ZDHHC14: variants seen among roughly 807,000 people sequenced by gnomAD.
ZDHHC14 encodes the protein palmitoyltransferase ZDHHC14.
In ZDHHC14, 16 loss-of-function variants were observed where a neutral mutation model predicts 47.7. That is an observed-to-expected ratio of 0.34 (90% CI 0.23 to 0.51). The LOEUF (loss-of-function observed/expected upper bound fraction) is 0.51, where lower values mean the gene tolerates loss of function less well. ZDHHC14 is among the 20% of genes least tolerant of loss of function. The pLI is 0.97. For missense variants in ZDHHC14, 515 were observed against 662.5 expected, an observed-to-expected ratio of 0.78 and a Z score of 2.44; for synonymous variants, 293 against 278.9, an observed-to-expected ratio of 1.05 and a Z score of -0.50.
intron 1 of ZDHHC14, among the ~76,000 whole-genome samples, chr6:157,422,412 C>G (rs1778128573): frequency 6.6e-6 from 1 of 152,114 alleles, no homozygotes. Context: ...TTCTGTACTT[C>G]CATCCCACAC....
intron 8 of ZDHHC14, among the ~76,000 whole-genome samples, chr6:157,661,192 G>T (rs1778330286): frequency 2.0e-5 from 3 of 152,204 alleles, no homozygotes; most frequent in African/African-American, 7.2e-5. Context: ...GGGGGTGGTG[G>T]GGAGCAGCCC....
At chr6:157,622,251 G>A (rs1384312363) in intron 3 of ZDHHC14, among the ~76,000 whole-genome samples, 1 of 150,690 alleles carries the variant, frequency 6.6e-6, no homozygotes, top group African/African-American at 2.4e-5. Flanking sequence ...AGCCAGATGT[G>A]GCGGCGTGCA....
At chr6:157,417,144 A>G (rs1229235820) in intron 1 of ZDHHC14, among the ~76,000 whole-genome samples, 2 of 151,844 alleles carry the variant, frequency 1.3e-5, no homozygotes, top group Non-Finnish European at 2.9e-5. Context: ...TAGCAATTTT[A>G]TGGCATCCTT....
At chr6:157,659,551 A>G (rs1158470522) in intron 8 of ZDHHC14, among the ~76,000 whole-genome samples, 1 of 152,228 alleles carries the variant, frequency 6.6e-6, no homozygotes, top group Non-Finnish European at 1.5e-5. Flanking sequence ...TTCAGCTGCT[A>G]ATAACAGACA....
intron 1 of ZDHHC14, among the ~76,000 whole-genome samples, chr6:157,495,831 G>A (rs1377819649): frequency 6.6e-6 from 1 of 150,518 alleles, no homozygotes. Flanking sequence ...AACCCCACCG[G>A]GTACCTGGGA....
intron 1 of ZDHHC14, among the ~76,000 whole-genome samples, chr6:157,519,534 G>C (rs1484665730): frequency 2.0e-5 from 3 of 152,152 alleles, no homozygotes; most frequent in African/African-American, 7.2e-5. Flanking sequence ...GTGCCGTCTT[G>C]GTTGTTCATA....
At position 157,381,511 on chromosome 6, in the gene ZDHHC14, A is replaced by G; in HGVS notation, c.-511A>G. 1 of 404,228 alleles carries G rather than the reference A, an allele frequency of 2.5e-6. No homozygotes were observed. The highest frequency in any genetic ancestry group is 4.9e-6 in the Non-Finnish European group (1 of 202,850). 25.0% of individuals were successfully genotyped at this position (404,228 alleles called of 1,614,324 possible). ...GTCGCCAGCGCTCTCTCCTGGGAGGATCCGCTGCCGGAGGAAGGAGTGGAC... is the reference window on the plus strand; with the variant it reads ...GTCGCCAGCGCTCTCTCCTGGGAGGGTCCGCTGCCGGAGGAAGGAGTGGAC... On this transcript the variant is annotated 5_prime_UTR_variant, in exon 1 of 9. Coordinates refer to ENST00000359775, the MANE Select transcript of ZDHHC14 (RefSeq NM_024630.3).
chr6:157,676,691 C>G lies in ZDHHC14; in HGVS notation c.*3569C>G, dbSNP rs1409289333. ...CGCCCAGAAAATGCTGGAACCAGAA[C>G]TGGTCAGAGACTTTGAAGGGCACAG... On this transcript the variant is annotated 3_prime_UTR_variant, in exon 9 of 9. Coordinates refer to ENST00000359775, the MANE Select transcript of ZDHHC14 (RefSeq NM_024630.3). 6.6e-6 allele frequency: 1 copy of G among 152,264 alleles called. No homozygotes were observed. The highest frequency in any genetic ancestry group is 2.4e-5 in the African/African-American group (1 of 41,464). The allele number at this position is 152,264 out of a possible 1,614,324, so 9.4% of individuals were successfully genotyped here.
chr6:157,650,642 TAA>T (rs772061667), intron 7 of ZDHHC14, among the ~76,000 whole-genome samples: 3 of 130,372 alleles, frequency 2.3e-5, no homozygotes, highest in African/African-American at 2.9e-5. Flanking sequence ...CTCTTGTCAT[TAA>T]AAAAAAAAGA....
chr6:157,382,051 A>G lies in ZDHHC14; in HGVS notation c.30A>G (p.Lys10=), dbSNP rs1223038516. The G allele has an allele frequency of 2.5e-6, 4 of 1,574,798 alleles. No homozygotes were observed. The highest frequency in any genetic ancestry group is 1.4e-5 in the African/African-American group (1 of 73,208). The part of the protein sequence containing the change: MPPGGGGPM[K]DCEYSQISTH... ...CTCCCGGCGGCGGCGGGCCCATGAAAGACTGCGAGTACAGCCAGATCAGCA... is the reference window on the plus strand; with the variant it reads ...CTCCCGGCGGCGGCGGGCCCATGAAGGACTGCGAGTACAGCCAGATCAGCA... The change falls in exon 1 of 9, where the codon AAA becomes AAG. Residue 10 remains lysine (K), a synonymous_variant. Coordinates refer to ENST00000359775, the MANE Select transcript of ZDHHC14 (RefSeq NM_024630.3).
intron 8 of ZDHHC14, among the ~76,000 whole-genome samples, chr6:157,653,888 C>T (rs537429738): frequency 2.0e-5 from 3 of 152,318 alleles, no homozygotes; most frequent in African/African-American, 7.2e-5. Flanking sequence ...TCTGCCAAAA[C>T]AGCTTGAGGC....
intron 5 of ZDHHC14, 21 bp from the exon 6 acceptor site, chr6:157,645,716 T>G (rs1166176753): frequency 6.2e-7 from 1 of 1,607,710 alleles, no homozygotes; most frequent in Non-Finnish European, 8.5e-7. Context: ...CACTTCCGCT[T>G]GCCTCCTTGA....
intron 1 of ZDHHC14, among the ~76,000 whole-genome samples, chr6:157,400,567 C>T (rs902882883): frequency 6.6e-6 from 1 of 152,184 alleles, no homozygotes; most frequent in Non-Finnish European, 1.5e-5. Flanking sequence ...GAATATTTCA[C>T]TTAAATAATG....
chr6:157,522,511 CT>C (rs1411264091), intron 1 of ZDHHC14, among the ~76,000 whole-genome samples: 1 of 151,898 alleles, frequency 6.6e-6, no homozygotes, highest in Non-Finnish European at 1.5e-5. Flanking sequence ...CTATTTCCCA[CT>C]TTTATGATCG....
At chr6:157,521,254 G>A (rs554508462) in intron 1 of ZDHHC14, among the ~76,000 whole-genome samples, 3 of 152,324 alleles carry the variant, frequency 2.0e-5, no homozygotes, top group Admixed American at 2.0e-4. Flanking sequence ...TTACAGCTCC[G>A]TTTGGAGTCT....
At chr6:157,455,402 G>A (rs1024126265) in intron 1 of ZDHHC14, among the ~76,000 whole-genome samples, 2 of 152,230 alleles carry the variant, frequency 1.3e-5, no homozygotes, top group African/African-American at 2.4e-5. Context: ...GAAGGGTGAC[G>A]CTGGCATGGG....
At chr6:157,511,320 G>A (rs939915273) in intron 1 of ZDHHC14, among the ~76,000 whole-genome samples, 4 of 152,242 alleles carry the variant, frequency 2.6e-5, no homozygotes, top group African/African-American at 9.6e-5. Context: ...GTAAACTACA[G>A]CCAATCATTC....
At chr6:157,548,108 A>T (rs145542763) in intron 2 of ZDHHC14, among the ~76,000 whole-genome samples, 2,051 of 152,158 alleles carry the variant, frequency 0.013, 57 homozygotes, top group African/African-American at 0.046. Flanking sequence ...CCTCCCCAAA[A>T]AAAAAAAATC....
At chr6:157,612,489 A>G (rs1323316302) in intron 3 of ZDHHC14, among the ~76,000 whole-genome samples, 2 of 152,174 alleles carry the variant, frequency 1.3e-5, no homozygotes, top group Non-Finnish European at 2.9e-5. Context: ...ATTCCTGCTC[A>G]TCTTTCAGGG....
Sources: allele counts gnomAD v4.1 joint callset (sites outside exome capture counted in the v4.1 genomes callset), GRCh38; gene constraint gnomAD v4.1.1; transcripts MANE v1.5; gene names NCBI Gene and HGNC (gene_info 2026-07-23, HGNC 2026-07-21).